The following SRGAP2 variants were observed in gnomAD, a reference collection of about 807,000 sequenced individuals.
The protein encoded by SRGAP2 is SLIT-ROBO Rho GTPase-activating protein 2.
Under a neutral mutation model 57.2 loss-of-function variants are expected in SRGAP2, and 15 were observed. The observed-to-expected ratio is 0.26, with a 90% confidence interval of 0.18 to 0.40. The LOEUF is 0.40. Among genes scored for constraint, SRGAP2 ranks in the 10% least tolerant of loss-of-function variants. SRGAP2 has a pLI of 1.00. For synonymous variants in SRGAP2, 249 were observed against 248.0 expected, an observed-to-expected ratio of 1.00 and a Z score of -0.04; for missense variants, 520 against 669.6, an observed-to-expected ratio of 0.78 and a Z score of 2.47.
chr1:206,323,411 G>A (rs1553328429), intron 3 of SRGAP2, among the ~76,000 whole-genome samples: 2 of 151,054 alleles, frequency 1.3e-5, no homozygotes, highest in Admixed American at 1.3e-4. Flanking sequence ...CATGCACTGA[G>A]AACAAACCAA....
At chr1:206,289,302 T>C (rs1289453628) in intron 2 of SRGAP2, among the ~76,000 whole-genome samples, 20 of 143,280 alleles carry the variant, frequency 1.4e-4, no homozygotes, top group African/African-American at 5.3e-4. Context: ...AGACGGAGTC[T>C]CGCTCTGTCG....
In SRGAP2 at chr1:206,329,716, G is replaced by A. The variant is rs1302753168; in HGVS notation, c.261-13130G>A. ...TAAGGAGATTTTGGGCTGAGACGAA[G>A]GGGTTTTCTAGATAAACAATCATGT... On this transcript the variant is annotated intron_variant, in intron 3 of 22. Coordinates refer to ENST00000573034, the MANE Select transcript of SRGAP2 (RefSeq NM_015326.5). 2.9e-3 allele frequency among the ~76,000 whole-genome samples: 417 copies of A among 145,064 alleles called. 1 individual carries two copies. Among genetic ancestry groups the A allele is most frequent in the Non-Finnish European group, 4.6e-3 (302 of 66,092 alleles).
At chr1:206,444,248 A>C (rs1463738714) in intron 17 of SRGAP2, among the ~76,000 whole-genome samples, 2 of 152,216 alleles carry the variant, frequency 1.3e-5, no homozygotes, top group African/African-American at 2.4e-5. Context: ...TGGAAAAGAA[A>C]AATGGATTTT....
chr1:206,216,780 C>T (rs1210221329), intron 2 of SRGAP2, among the ~76,000 whole-genome samples: 8 of 96,136 alleles, frequency 8.3e-5, no homozygotes, highest in Non-Finnish European at 8.0e-5. Flanking sequence ...AGGAAGAAGG[C>T]ATATTCTCTT....
At chr1:206,389,243 C>T (rs1164790735) in intron 5 of SRGAP2, among the ~76,000 whole-genome samples, 2 of 130,932 alleles carry the variant, frequency 1.5e-5, no homozygotes, top group African/African-American at 6.1e-5. Context: ...GGCGTGATCT[C>T]GGCTCACTGC....
In SRGAP2 at chr1:206,213,627, A is replaced by G. The variant is rs1310438001; in HGVS notation, c.67+7590A>G. Among the ~76,000 whole-genome samples, 5 of 152,094 alleles carry G rather than the reference A, an allele frequency of 3.3e-5. No homozygotes were observed. The East Asian group carries it at 7.7e-4, about 24-fold the overall frequency. On this transcript the variant is annotated intron_variant, in intron 2 of 22. Coordinates refer to ENST00000573034, the MANE Select transcript of SRGAP2 (RefSeq NM_015326.5). ...CAAATGACAGTGTCTGTTTCCATATAGAGTTGGCTTGGCTGGGTGTGGTGG... is the reference window on the plus strand; with the variant it reads ...CAAATGACAGTGTCTGTTTCCATATGGAGTTGGCTTGGCTGGGTGTGGTGG...
intron 2 of SRGAP2, chr1:206,206,329 G>C (rs1328367071): frequency 5.9e-6 from 2 of 340,526 alleles, no homozygotes; most frequent in African/African-American, 5.1e-5. Flanking sequence ...GGAGGGGCAG[G>C]AGGCTCTTAG....
chr1:206,332,366 A>G (rs797026907), intron 3 of SRGAP2, among the ~76,000 whole-genome samples: 92 of 128,732 alleles, frequency 7.1e-4, no homozygotes, highest in Admixed American at 1.8e-3. Context: ...GCCTTGCTAG[A>G]TTGGGGAAGT....
chr1:206,416,144 A>G (rs1659683282), intron 11 of SRGAP2, among the ~76,000 whole-genome samples, 171 bp downstream of exon 11: 1 of 152,216 alleles, frequency 6.6e-6, no homozygotes, highest in Admixed American at 6.5e-5. Flanking sequence ...CTGCTTGAGT[A>G]ATGGGGAAAG....
chr1:206,214,966 A>G (rs1448474536), intron 2 of SRGAP2: 1 of 151,504 alleles, frequency 6.6e-6, no homozygotes, highest in Non-Finnish European at 1.5e-5. Flanking sequence ...ATACTGCCTT[A>G]TGTTTGGAAT....
intron 6 of SRGAP2, 80 bp downstream of exon 6, chr1:206,392,984 C>A: frequency 2.8e-6 from 2 of 716,924 alleles, no homozygotes; most frequent in African/African-American, 1.7e-5. Flanking sequence ...CCAGTAGTCA[C>A]TGGGAAGAGC....
intron 2 of SRGAP2, among the ~76,000 whole-genome samples, chr1:206,283,054 G>T (rs1176526289): frequency 2.7e-5 from 4 of 149,572 alleles, no homozygotes; most frequent in African/African-American, 7.4e-5. Context: ...CTTGCATGCA[G>T]CTTCTTTTCT....
intron 2 of SRGAP2, among the ~76,000 whole-genome samples, chr1:206,234,282 G>GA (rs1275616134): frequency 1.3e-5 from 2 of 150,180 alleles, no homozygotes; most frequent in African/African-American, 4.9e-5. Flanking sequence ...GCTGAAGGGG[G>GA]AAAAAATCAC....
At chr1:206,291,676 A>G (rs1182207357) in intron 2 of SRGAP2, among the ~76,000 whole-genome samples, 4 of 150,148 alleles carry the variant, frequency 2.7e-5, no homozygotes, top group Admixed American at 6.6e-5. Context: ...CTTGGCACAT[A>G]ATAAGCACTT....
intron 4 of SRGAP2, among the ~76,000 whole-genome samples, chr1:206,369,916 A>G (rs1652560514): frequency 1.3e-5 from 2 of 151,376 alleles, no homozygotes; most frequent in South Asian, 4.2e-4. Flanking sequence ...ACCCAAGAGA[A>G]TTGAAAACAT....
intron 3 of SRGAP2, among the ~76,000 whole-genome samples, chr1:206,303,800 A>T (rs1157505093): frequency 1.3e-5 from 2 of 151,756 alleles, no homozygotes; most frequent in Non-Finnish European, 2.9e-5. Flanking sequence ...TATTATCCCC[A>T]ATTTATAGAT....
intron 2 of SRGAP2, among the ~76,000 whole-genome samples, chr1:206,284,058 G>T (rs1481352269): frequency 2.0e-5 from 3 of 151,868 alleles, no homozygotes; most frequent in Admixed American, 1.3e-4. Flanking sequence ...AGAGAAACCT[G>T]CATTCTTGAC....
rs1553363092 is a variant in SRGAP2, at chr1:206,418,888, C to CTCTCTGTGTG, written c.1442-484_1442-483insCTCTGTGTGT. 6.6e-5 allele frequency among the ~76,000 whole-genome samples: 9 copies of CTCTCTGTGTG among 136,644 alleles called. 1 individual carries two copies. Among genetic ancestry groups the CTCTCTGTGTG allele is most frequent in the South Asian group, 2.5e-4 (1 of 4,002 alleles). 89.6% of individuals were successfully genotyped at this position (136,644 alleles called of 152,430 possible). A position where few individuals can be genotyped will look rare whatever the true frequency, so the allele number is the denominator to read the frequency against. ...TTGTTCTCTCAGCCTCCAACTCTCT[C>CTCTCTGTGTG]TGTGTGTGTGTGTGTGTGTGTGTGT... On this transcript the variant is annotated intron_variant, in intron 11 of 22. Transcript: ENST00000573034.
At chr1:206,290,641 C>CAAAAAAA (rs1237811129) in intron 2 of SRGAP2, among the ~76,000 whole-genome samples, 17 of 45,130 alleles carry the variant, frequency 3.8e-4, no homozygotes, top group South Asian at 9.0e-4. Context: ...GACTCCATCT[C>CAAAAAAA]AAAAAAAAAA....
Sources: allele counts gnomAD v4.1 joint callset (sites outside exome capture counted in the v4.1 genomes callset), GRCh38; gene constraint gnomAD v4.1.1; transcripts MANE v1.5; gene names NCBI Gene and HGNC (gene_info 2026-07-23, HGNC 2026-07-21).